The following CDH18 variants were observed in gnomAD, a reference collection of about 807,000 sequenced individuals.
CDH18 encodes cadherin-18.
In CDH18, 31 loss-of-function variants were observed where a neutral mutation model predicts 67.9. The ratio of observed to expected loss-of-function variants is 0.46; its 90% CI spans 0.34 to 0.62. The LOEUF (loss-of-function observed/expected upper bound fraction) is 0.62. Ranked by LOEUF, CDH18 falls within the 20% of genes least tolerant of loss-of-function variation. CDH18 has a pLI of 0.01. For synonymous variants in CDH18, 362 were observed against 347.2 expected (o/e 1.04, Z -0.48); for missense variants, 890 against 975.5 (o/e 0.91, Z 1.17).
At chr5:19,659,298 A>G (rs1464059043) in intron 5 of CDH18, among the ~76,000 whole-genome samples, 1 of 152,158 alleles carries the variant, frequency 6.6e-6, no homozygotes, top group Non-Finnish European at 1.5e-5. Flanking sequence ...ATTACGTTCA[A>G]TTAAAATGAT....
At chr5:19,532,139 C>G (rs1318001177) in intron 9 of CDH18, among the ~76,000 whole-genome samples, 1 of 151,938 alleles carries the variant, frequency 6.6e-6, no homozygotes, top group Non-Finnish European at 1.5e-5. Context: ...AATTTGTAGC[C>G]AATGTATTTT....
chr5:19,769,612 C>G (rs1184878009), intron 3 of CDH18, among the ~76,000 whole-genome samples: 1 of 151,896 alleles, frequency 6.6e-6, no homozygotes, highest in East Asian at 1.9e-4. Context: ...GGAAGTAAAT[C>G]AAAAGCCTAA....
chr5:20,311,982 C>T (rs1737038270), intron 1 of CDH18, among the ~76,000 whole-genome samples: 1 of 152,124 alleles, frequency 6.6e-6, no homozygotes, highest in Non-Finnish European at 1.5e-5. Context: ...GGCAGGATTA[C>T]ATCCACCCAC....
intron 8 of CDH18, among the ~76,000 whole-genome samples, chr5:19,570,546 T>A (rs1045216378): frequency 8.5e-5 from 13 of 152,168 alleles, no homozygotes; most frequent in African/African-American, 3.1e-4. Context: ...CTATTTAGTA[T>A]ATTAGCTTTT....
chr5:20,308,540 C>CA (rs35827739), intron 1 of CDH18, among the ~76,000 whole-genome samples: 35,825 of 126,540 alleles, frequency 0.28, 4,772 homozygotes, highest in East Asian at 0.6. Context: ...GAGACTCAGT[C>CA]AAAAAAAAAA....
chr5:19,623,669 A>G (rs974867740), intron 5 of CDH18, among the ~76,000 whole-genome samples: 1 of 151,974 alleles, frequency 6.6e-6, no homozygotes, highest in African/African-American at 2.4e-5. Context: ...CACAGTTACT[A>G]TTAGAGAAAG....
chr5:20,487,463 T>C (rs1389168979), intron 1 of CDH18, among the ~76,000 whole-genome samples: 1 of 150,528 alleles, frequency 6.6e-6, no homozygotes, highest in East Asian at 1.9e-4. Flanking sequence ...ATATTTACTG[T>C]ATAGGTGATG....
chr5:19,964,696 T>C (rs1189994840), intron 2 of CDH18, among the ~76,000 whole-genome samples: 2 of 150,318 alleles, frequency 1.3e-5, no homozygotes, highest in Admixed American at 6.6e-5. Flanking sequence ...TGAATGTAAA[T>C]TCTGAGGTAT....
At chr5:20,312,454 A>G (rs758885110) in intron 1 of CDH18, among the ~76,000 whole-genome samples, 1 of 152,142 alleles carries the variant, frequency 6.6e-6, no homozygotes, top group Admixed American at 6.5e-5. Flanking sequence ...ATGTCTGTTC[A>G]TTTTTACCAC....
chr5:19,951,102 A>G (rs987869397), intron 2 of CDH18, among the ~76,000 whole-genome samples: 18 of 152,258 alleles, frequency 1.2e-4, no homozygotes, highest in African/African-American at 4.1e-4. Context: ...GTTCCATTCA[A>G]TTGGCTGTGG....
At chr5:20,108,672 C>G (rs1312752625) in intron 2 of CDH18, among the ~76,000 whole-genome samples, 1 of 152,098 alleles carries the variant, frequency 6.6e-6, no homozygotes, top group Non-Finnish European at 1.5e-5. Flanking sequence ...ACAGTACTTC[C>G]CAGGGACATT....
intron 2 of CDH18, among the ~76,000 whole-genome samples, chr5:20,049,439 C>A (rs940496104): frequency 1.7e-5 from 1 of 57,528 alleles, no homozygotes; most frequent in African/African-American, 3.1e-5. Context: ...ATAATCTATA[C>A]AACAAACCCC....
intron 3 of CDH18, among the ~76,000 whole-genome samples, chr5:19,777,069 C>G (rs942376380): frequency 6.6e-6 from 1 of 152,096 alleles, no homozygotes; most frequent in African/African-American, 2.4e-5. Context: ...CAGTTGAGGT[C>G]AGGAGTTCAA....
chr5:19,532,692 C>G lies in CDH18; in HGVS notation c.1390+11177G>C, dbSNP rs1020224425. Among the ~76,000 whole-genome samples the G allele has an allele frequency of 1.6e-4, 24 of 152,162 alleles. 1 individual carries two copies. The highest frequency in any genetic ancestry group is 8.8e-5 in the Non-Finnish European group (6 of 68,026). On this transcript the variant is annotated intron_variant, in intron 9 of 12. Coordinates refer to ENST00000382275, the MANE Select transcript of CDH18 (RefSeq NM_004934.5). ...AGCTAAGGTTAGGACCCAAAGAAAG[C>G]TCTTAAAATACCCCAGGTAAGGGGT...
intron 1 of CDH18, among the ~76,000 whole-genome samples, chr5:20,261,968 T>A (rs1196085633): frequency 6.6e-6 from 1 of 152,106 alleles, no homozygotes; most frequent in African/African-American, 2.4e-5. Flanking sequence ...AATAGTTACA[T>A]TCTGTGTGGT....
intron 2 of CDH18, among the ~76,000 whole-genome samples, chr5:20,097,308 C>A (rs1746073271): frequency 6.6e-6 from 1 of 152,084 alleles, no homozygotes; most frequent in African/African-American, 2.4e-5. Flanking sequence ...AATCGACTCA[C>A]AGCTTGACAT....
intron 2 of CDH18, among the ~76,000 whole-genome samples, chr5:20,056,980 C>T (rs1464249812): frequency 3.9e-5 from 6 of 151,932 alleles, no homozygotes; most frequent in Non-Finnish European, 7.4e-5. Context: ...CCACCACGCC[C>T]GGCCGAGTTC....
chr5:19,486,946 A>G (rs189935517), intron 11 of CDH18, among the ~76,000 whole-genome samples: 15 of 152,358 alleles, frequency 9.8e-5, no homozygotes, highest in African/African-American at 3.6e-4. Flanking sequence ...TCAATCTCTA[A>G]TAATGTGCAC....
intron 4 of CDH18, among the ~76,000 whole-genome samples, chr5:19,738,307 C>T (rs1768631976): frequency 6.6e-6 from 1 of 152,012 alleles, no homozygotes; most frequent in Non-Finnish European, 1.5e-5. Flanking sequence ...AAATATTTTG[C>T]TGTTTATTTT....
Sources: allele counts gnomAD v4.1 joint callset (sites outside exome capture counted in the v4.1 genomes callset), GRCh38; gene constraint gnomAD v4.1.1; transcripts MANE v1.5; gene names NCBI Gene and HGNC (gene_info 2026-07-23, HGNC 2026-07-21).